The following NBAS variants were observed in gnomAD, a reference collection of about 807,000 sequenced individuals.
NBAS encodes the protein NBAS subunit of NRZ tethering complex, also known as NAG/BC035112 fusion.
Under a neutral mutation model 302.5 loss-of-function variants are expected in NBAS, and 219 were observed. The ratio of observed to expected loss-of-function variants is 0.72; its 90% CI spans 0.65 to 0.81. NBAS has a LOEUF of 0.81. Among genes scored for constraint, NBAS ranks in the 30% least tolerant of loss-of-function variants. The pLI, the probability that NBAS is intolerant of heterozygous loss-of-function variation, is 0.00. For missense variants in NBAS, 2,932 were observed against 2,841.6 expected (o/e 1.03, Z -0.72); for synonymous variants, 1,118 against 1,021.6 (o/e 1.09, Z -1.80).
chr2:14,933,778 A>G, the NBAS span, among the ~76,000 whole-genome samples: 6 of 152,202 alleles, frequency 3.9e-5, no homozygotes, highest in Non-Finnish European at 5.9e-5. Context: ...TTAATTACAC[A>G]GGGCTGCTTT....
chr2:15,342,294 TAAAATAAATAAATCAAA>T (rs1042062684), intron 35 of NBAS, among the ~76,000 whole-genome samples: 7 of 151,760 alleles, frequency 4.6e-5, no homozygotes, highest in South Asian at 2.1e-4. Flanking sequence ...AATAAATAAA[TAAAATAAATAAATCAAA>T]AAAATAAATA....
chr2:15,429,296 T>A (rs1230074056), intron 21 of NBAS, among the ~76,000 whole-genome samples: 2 of 152,180 alleles, frequency 1.3e-5, no homozygotes, highest in Non-Finnish European at 2.9e-5. Context: ...AGACAAAAAT[T>A]GTTAAAACAA....
chr2:15,543,366 C>T (rs1305516823), intron 6 of NBAS, among the ~76,000 whole-genome samples: 1 of 152,198 alleles, frequency 6.6e-6, no homozygotes, highest in East Asian at 1.9e-4. Context: ...TCTGTGACCA[C>T]CCTAAGTAGC....
chr2:15,534,416 T>A, intron 9 of NBAS, 127 bp downstream of exon 9: 1 of 768,194 alleles, frequency 1.3e-6, no homozygotes, highest in Non-Finnish European at 2.3e-6. Context: ...ATTATAGATA[T>A]TAAAGATAAC....
the NBAS span, among the ~76,000 whole-genome samples, chr2:14,876,055 C>T: frequency 6.6e-6 from 1 of 152,200 alleles, no homozygotes; most frequent in Non-Finnish European, 1.5e-5. Context: ...ACCACTTTTG[C>T]ATCCTGTAGG....
intron 10 of NBAS, among the ~76,000 whole-genome samples, chr2:15,509,953 G>A (rs949722726): frequency 3.3e-5 from 5 of 152,080 alleles, no homozygotes; most frequent in East Asian, 3.9e-4. Context: ...AGGTTCAATC[G>A]ATTCTCCTGC....
chr2:15,067,107 G>C, the NBAS span, among the ~76,000 whole-genome samples: 335 of 134,574 alleles, frequency 2.5e-3, 1 homozygote, highest in African/African-American at 9.4e-3. Flanking sequence ...TGGATTACTT[G>C]AGTCCAGGAG....
chr2:14,891,012 A>C, the NBAS span, among the ~76,000 whole-genome samples: 1 of 152,116 alleles, frequency 6.6e-6, no homozygotes, highest in Non-Finnish European at 1.5e-5. Flanking sequence ...TTCTATAAAA[A>C]TTACCACCTT....
intron 50 of NBAS, among the ~76,000 whole-genome samples, chr2:15,180,829 C>T (rs2125120996): frequency 6.6e-6 from 1 of 152,350 alleles, no homozygotes; most frequent in East Asian, 1.9e-4. Context: ...GGGTGCTGGA[C>T]TCTCACACCT....
intron 11 of NBAS, among the ~76,000 whole-genome samples, chr2:15,496,190 A>G (rs1681064558): frequency 6.6e-6 from 1 of 152,036 alleles, no homozygotes; most frequent in South Asian, 2.1e-4. Flanking sequence ...ACATGGGTGA[A>G]CCTTGAAAGC....
the NBAS span, among the ~76,000 whole-genome samples, chr2:15,074,394 GA>G: frequency 2.1e-5 from 3 of 140,406 alleles, no homozygotes; most frequent in South Asian, 2.6e-4. Flanking sequence ...AGGATGGAAG[GA>G]GGGGGGGAGG....
chr2:14,867,303 G>A, the NBAS span, among the ~76,000 whole-genome samples: 1 of 152,172 alleles, frequency 6.6e-6, no homozygotes, highest in Non-Finnish European at 1.5e-5. Context: ...TCATGGCTCA[G>A]GAGGGTTGAG....
chr2:14,996,359 G>A, the NBAS span, among the ~76,000 whole-genome samples: 302 of 152,222 alleles, frequency 2.0e-3, 1 homozygote, highest in African/African-American at 7.1e-3. Flanking sequence ...AGAAATGGAA[G>A]CCTAGGGGTG....
the NBAS span, among the ~76,000 whole-genome samples, chr2:15,122,872 G>A: frequency 5.3e-5 from 8 of 152,298 alleles, no homozygotes; most frequent in East Asian, 1.2e-3. Flanking sequence ...AAAAGCTTCC[G>A]CCTGAGCCTG....
chr2:14,981,733 C>T, the NBAS span, among the ~76,000 whole-genome samples: 8 of 152,200 alleles, frequency 5.3e-5, no homozygotes, highest in South Asian at 2.1e-4. Context: ...CTTCATCCTC[C>T]GGCTAAAAGC....
intron 47 of NBAS, among the ~76,000 whole-genome samples, chr2:15,228,844 G>A (rs928102403): frequency 2.6e-5 from 4 of 152,180 alleles, no homozygotes; most frequent in African/African-American, 9.7e-5. Flanking sequence ...ACTAGGAGAG[G>A]ACGGTCAATA....
the NBAS span, among the ~76,000 whole-genome samples, chr2:14,878,249 A>G: frequency 6.6e-6 from 1 of 152,210 alleles, no homozygotes; most frequent in African/African-American, 2.4e-5. Flanking sequence ...GAATGTTCTC[A>G]AGAGCACACC....
chr2:15,064,260 T>G, the NBAS span, among the ~76,000 whole-genome samples: 776 of 146,356 alleles, frequency 5.3e-3, 6 homozygotes, highest in Non-Finnish European at 7.1e-3. Context: ...TTAAACAAAA[T>G]TGGCAAACCT....
In NBAS at chr2:15,415,600, TA is replaced by T; in HGVS notation, c.2882del (p.Leu961Ter). 1 of 1,614,072 alleles carries T rather than the reference TA, an allele frequency of 6.2e-7. No homozygotes were observed. Among genetic ancestry groups the T allele is most frequent in the Non-Finnish European group, 8.5e-7 (1 of 1,179,944 alleles). On this transcript the variant is annotated frameshift_variant, in exon 25 of 52. Transcript: ENST00000281513. LOFTEE classifies it high-confidence loss of function. ...NELLKEYLVT[L>X]AKGDLKFPLK... The stretch of plus-strand genomic sequence containing the variant: ...GGGGAAATTTTAAGTCCCCTTTAGC[TA>T]AAGTTACTAAATATTCTTTTAATAG...
Sources: gnomAD v4.1 joint callset for allele counts (sites outside exome capture counted in the v4.1 genomes callset) on GRCh38, gnomAD v4.1.1 for gene constraint, MANE v1.5 for transcripts, NCBI Gene and HGNC (gene_info 2026-07-23, HGNC 2026-07-21) for gene names.